The following SLC24A2 variants were observed in gnomAD, a reference collection of about 807,000 sequenced individuals.
SLC24A2 encodes solute carrier family 24 member 2, also known as sodium/potassium/calcium exchanger 2.
A neutral mutation model predicts 62.0 loss-of-function variants in SLC24A2; 36 were observed. That is an observed-to-expected ratio of 0.58 (90% CI 0.44 to 0.77). SLC24A2 has a LOEUF of 0.77. Ranked by LOEUF, SLC24A2 falls within the 30% of genes least tolerant of loss-of-function variation. The pLI is 0.00. For missense variants in SLC24A2, 846 were observed against 817.9 expected, an observed-to-expected ratio of 1.03 and a Z score of -0.42; for synonymous variants, 358 against 294.0, an observed-to-expected ratio of 1.22 and a Z score of -2.23.
At chr9:20,212,905 G>C in the SLC24A2 span, among the ~76,000 whole-genome samples, 1 of 151,652 alleles carries the variant, frequency 6.6e-6, no homozygotes, top group African/African-American at 2.4e-5. Flanking sequence ...AATATCCTCA[G>C]CAATTCAATG....
chr9:20,030,225 T>C, the SLC24A2 span, among the ~76,000 whole-genome samples: 4 of 152,226 alleles, frequency 2.6e-5, no homozygotes, highest in Non-Finnish European at 5.9e-5. Flanking sequence ...GATGTGAAGA[T>C]ACTTTTAAAT....
chr9:19,600,720 G>A (rs935664180), intron 4 of SLC24A2, among the ~76,000 whole-genome samples: 5 of 152,066 alleles, frequency 3.3e-5, no homozygotes, highest in African/African-American at 1.2e-4. Flanking sequence ...ACTGATTTCT[G>A]TCTTGTGAGG....
chr9:19,516,132 T>C lies in SLC24A2; in HGVS notation c.*21A>G. ...GTGGAGGGACCATTCATGCTGCTGG[T>C]GCAAGATATGGCTTTTCCTGCTAGA... On this transcript the variant is annotated 3_prime_UTR_variant, in exon 11 of 11. Transcript: ENST00000341998. 6.2e-7 allele frequency: 1 copy of C among 1,613,926 alleles called. No individual in the cohort carries two copies. The highest frequency in any genetic ancestry group is 8.5e-7 in the Non-Finnish European group (1 of 1,179,910).
chr9:20,014,963 C>T, the SLC24A2 span, among the ~76,000 whole-genome samples: 19 of 152,142 alleles, frequency 1.2e-4, no homozygotes, highest in East Asian at 3.5e-3. Flanking sequence ...ACATTGTATA[C>T]GTTTACCAAA....
At chr9:19,852,079 C>T in the SLC24A2 span, among the ~76,000 whole-genome samples, 2 of 152,184 alleles carry the variant, frequency 1.3e-5, no homozygotes, top group African/African-American at 4.8e-5. Flanking sequence ...CTCTAATGAT[C>T]AGTGACGTTG....
At chr9:20,114,374 T>C in the SLC24A2 span, among the ~76,000 whole-genome samples, 3 of 152,094 alleles carry the variant, frequency 2.0e-5, no homozygotes, top group African/African-American at 4.8e-5. Context: ...ATCACCTCAG[T>C]TGTGGAGCTA....
chr9:20,200,877 G>C, the SLC24A2 span, among the ~76,000 whole-genome samples: 1 of 152,228 alleles, frequency 6.6e-6, no homozygotes, highest in East Asian at 1.9e-4. Context: ...TGGTCAAGCT[G>C]TGGAGTCCTA....
At chr9:19,969,058 G>C in the SLC24A2 span, among the ~76,000 whole-genome samples, 1 of 151,970 alleles carries the variant, frequency 6.6e-6, no homozygotes, top group South Asian at 2.1e-4. Context: ...AACTAGCACG[G>C]AACTGAGGCA....
chr9:19,532,477 GTTT>G (rs1229267525), intron 8 of SLC24A2, among the ~76,000 whole-genome samples: 3 of 152,070 alleles, frequency 2.0e-5, no homozygotes, highest in East Asian at 1.9e-4. Context: ...AAATTGTATT[GTTT>G]TTATCTGTAT....
At chr9:19,653,789 T>C (rs141328810) in intron 2 of SLC24A2, among the ~76,000 whole-genome samples, 3 of 152,316 alleles carry the variant, frequency 2.0e-5, no homozygotes, top group African/African-American at 7.2e-5. Context: ...TGACAGCTGA[T>C]GCTTGAAATG....
chr9:19,774,581 G>T lies in SLC24A2; in HGVS notation c.930+11356C>A, dbSNP rs149801003. ...CCACCTCAGCCTATGTAAGTTGCTA[G>T]AACAACAGATGACAGTTTATAAGTG... On this transcript the variant is annotated intron_variant, in intron 2 of 10. Transcript: ENST00000341998. 2.6e-4 allele frequency among the ~76,000 whole-genome samples: 40 copies of T among 152,292 alleles called. No homozygotes were observed. In the East Asian group the frequency reaches 7.6e-3, roughly 29 times the overall value.
the SLC24A2 span, among the ~76,000 whole-genome samples, chr9:19,796,908 G>GTGTA: frequency 6.6e-6 from 1 of 151,922 alleles, no homozygotes; most frequent in Non-Finnish European, 1.5e-5. Context: ...AATTTGTTTT[G>GTGTA]TGTATATTTA....
At chr9:19,768,903 T>A (rs1822598618) in intron 2 of SLC24A2, among the ~76,000 whole-genome samples, 1 of 152,202 alleles carries the variant, frequency 6.6e-6, no homozygotes, top group Non-Finnish European at 1.5e-5. Flanking sequence ...GCTTCAATGC[T>A]ATGAATCCCA....
At chr9:19,799,165 T>C in the SLC24A2 span, among the ~76,000 whole-genome samples, 4 of 152,298 alleles carry the variant, frequency 2.6e-5, no homozygotes, top group African/African-American at 7.2e-5. Flanking sequence ...TTTTCAGCTC[T>C]TCTAACTCAT....
At chr9:19,698,122 T>C (rs1564046857) in intron 2 of SLC24A2, among the ~76,000 whole-genome samples, 2 of 152,284 alleles carry the variant, frequency 1.3e-5, no homozygotes, top group South Asian at 4.1e-4. Context: ...TAATACAGGT[T>C]GAGCATCCCT....
chr9:20,274,187 C>T, the SLC24A2 span, among the ~76,000 whole-genome samples: 8 of 152,106 alleles, frequency 5.3e-5, no homozygotes, highest in African/African-American at 1.7e-4. Context: ...TGAACAAATA[C>T]ATAGATAATG....
At chr9:19,657,417 T>G (rs941205322) in intron 2 of SLC24A2, among the ~76,000 whole-genome samples, 1 of 152,180 alleles carries the variant, frequency 6.6e-6, no homozygotes, top group East Asian at 1.9e-4. Flanking sequence ...TTGGGATACA[T>G]ATGCAGAACG....
chr9:19,738,731 A>G (rs988555825), intron 2 of SLC24A2, among the ~76,000 whole-genome samples: 1 of 152,216 alleles, frequency 6.6e-6, no homozygotes, highest in African/African-American at 2.4e-5. Context: ...TGGCTATTAC[A>G]AACAAATTCT....
At chr9:20,213,798 A>T in the SLC24A2 span, among the ~76,000 whole-genome samples, 1 of 152,236 alleles carries the variant, frequency 6.6e-6, no homozygotes, top group Non-Finnish European at 1.5e-5. Context: ...AAATGGTAAT[A>T]ATATTTGTAG....
Sources: allele counts gnomAD v4.1 joint callset (sites outside exome capture counted in the v4.1 genomes callset), GRCh38; gene constraint gnomAD v4.1.1; transcripts MANE v1.5; gene names NCBI Gene and HGNC (gene_info 2026-07-23, HGNC 2026-07-21).